The following HROB variants were observed in gnomAD, a reference collection of about 807,000 sequenced individuals.
HROB encodes homologous recombination factor with OB-fold.
In HROB, 44 loss-of-function variants were observed where a neutral mutation model predicts 61.0. That is an observed-to-expected ratio of 0.72 (90% CI 0.57 to 0.93). HROB has a LOEUF of 0.93. Ranked by LOEUF, HROB falls within the 40% of genes least tolerant of loss-of-function variation. The probability of loss-of-function intolerance (pLI) is 0.00; values close to 1 mark genes in which losing one functional copy is unlikely to be tolerated. For synonymous variants in HROB, 301 were observed against 310.4 expected (o/e 0.97, Z 0.32); for missense variants, 716 against 796.2 (o/e 0.90, Z 1.21).
Position 44,148,386 on chromosome 17 carries a change from G to A in HROB, c.583G>A (p.Val195Ile), listed in dbSNP as rs1454285320. The change falls in exon 3 of 10, where the codon GTA (valine) becomes ATA (isoleucine). Residue 195 changes from valine (V) to isoleucine (I), a missense_variant. Coordinates refer to ENST00000585683, the MANE Select transcript of HROB (RefSeq NM_001171251.3). ...ILPAQQREGS[V>I]LAKKARVVDL... The stretch of plus-strand genomic sequence containing the variant: ...GCCTGCCCAGCAGCGGGAGGGTTCA[G>A]TATTGGCTAAAAAAGCCCGGGTAGT... 3.1e-6 allele frequency: 5 copies of A among 1,614,156 alleles called. No homozygotes were observed. Among genetic ancestry groups the A allele is most frequent in the East Asian group, 2.2e-5 (1 of 44,880 alleles).
Position 44,148,401 on chromosome 17 carries a change from G to T in HROB, c.598G>T (p.Ala200Ser), listed in dbSNP as rs778492460. The change falls in exon 3 of 10, where the codon GCC (alanine) becomes TCC (serine). Residue 200 changes from alanine (A) to serine (S), a missense_variant. Transcript: ENST00000585683. Reference sequence around the variant, plus strand: ...GGAGGGTTCAGTATTGGCTAAAAAAGCCCGGGTAGTTGATCTGAGTGGATC... The same window carrying T: ...GGAGGGTTCAGTATTGGCTAAAAAATCCCGGGTAGTTGATCTGAGTGGATC... ...QREGSVLAKK[A>S]RVVDLSGSCQ... 1.2e-6 allele frequency: 2 copies of T among 1,614,116 alleles called. No homozygotes were observed. Among genetic ancestry groups the T allele is most frequent in the East Asian group, 2.2e-5 (1 of 44,874 alleles).
intron 1 of HROB, 64 bp downstream of exon 1, chr17:44,142,209 A>C: frequency 1.4e-6 from 2 of 1,433,442 alleles, no homozygotes; most frequent in Non-Finnish European, 1.8e-6. Context: ...GGAACTGCTC[A>C]TGGGGTTCCA....
chr17:44,158,026 T>C, intron 9 of HROB, 85 bp downstream of exon 9: 1 of 923,744 alleles, frequency 1.1e-6, no homozygotes, highest in Non-Finnish European at 1.6e-6. Context: ...CTATATCTTG[T>C]TCCTCTTTCC....
At position 44,152,618 on chromosome 17, in the gene HROB, CT is replaced by C. The variant is rs2053848394; in HGVS notation, c.1309-18del. On this transcript the variant is annotated intron_variant, in intron 4 of 9. Transcript: ENST00000585683. ...GTAGACCTATTCATACAGGCTCCCC[CT>C]CTGCTCTGTGGTACCAGATTGTTGC... The C allele has an allele frequency of 6.2e-7, 1 of 1,613,064 alleles. No individual in the cohort carries two copies. Among genetic ancestry groups the C allele is most frequent in the East Asian group, 2.2e-5 (1 of 44,870 alleles).
chr17:44,142,411 A>T (rs1250359832), intron 1 of HROB, among the ~76,000 whole-genome samples: 1 of 150,970 alleles, frequency 6.6e-6, no homozygotes, highest in Non-Finnish European at 1.5e-5. Flanking sequence ...CAGTGCGCTC[A>T]GACGTCACTA....
rs770058486 is a variant in HROB at position 44,161,966 on chromosome 17, A to AG, written c.*36dup. On this transcript the variant is annotated 3_prime_UTR_variant, in exon 10 of 10. Transcript: ENST00000585683. ...CAACGCAGGACAACCCACCATGAGC[A>AG]GGCAGCTCTGGGCATGTGTCTGGTC... 2.5e-6 allele frequency: 4 copies of AG among 1,601,566 alleles called. No homozygotes were observed. Among genetic ancestry groups the AG allele is most frequent in the Non-Finnish European group, 3.4e-6 (4 of 1,168,680 alleles).
intron 1 of HROB, among the ~76,000 whole-genome samples, chr17:44,143,920 C>G (rs1161634894): frequency 6.6e-6 from 1 of 152,122 alleles, no homozygotes; most frequent in Non-Finnish European, 1.5e-5. Context: ...TCTTCCCTTC[C>G]AGGATTAGTG....
rs2053852344 is a variant in HROB, at chr17:44,152,733, A to G, written c.1405A>G (p.Ser469Gly). ...GCTAGGCCTGGATGAGAGAGACCCT[A>G]GCTGCTTCCTCTGTACCTACAGCAT... Reference protein sequence around the residue: ...STLGLDERDPSCFLCTYSIVM... With the variant: ...STLGLDERDPGCFLCTYSIVM... The change falls in exon 5 of 10, where the codon AGC becomes GGC. Residue 469 changes from serine to glycine, a missense_variant. Ser to Gly is a moderately conservative substitution (Grantham distance 56). Transcript: ENST00000585683. 6.2e-7 allele frequency: 1 copy of G among 1,614,086 alleles called. No individual in the cohort carries two copies. Among genetic ancestry groups the G allele is most frequent in the Non-Finnish European group, 8.5e-7 (1 of 1,180,042 alleles).
At chr17:44,156,672 T>TA (rs896362711) in intron 8 of HROB, among the ~76,000 whole-genome samples, 6 of 151,246 alleles carry the variant, frequency 4.0e-5, no homozygotes, top group Admixed American at 1.3e-4. Context: ...TTTATTTATT[T>TA]TTTTTTTTTG....
At chr17:44,152,303 T>C (rs983390740) in intron 4 of HROB, among the ~76,000 whole-genome samples, 1 of 152,054 alleles carries the variant, frequency 6.6e-6, no homozygotes, top group Non-Finnish European at 1.5e-5. Flanking sequence ...TATTAAAAAT[T>C]TGTTTTTCAT....
In HROB at chr17:44,147,632, C is replaced by T. The variant is rs370065305; in HGVS notation, c.55-226C>T. The stretch of plus-strand genomic sequence containing the variant: ...TTTTTATTTTTAGTAGAGACGGTTT[C>T]GCCACGTTGGCCAGGCTGGTCTCGA... On this transcript the variant is annotated intron_variant, in intron 2 of 9. Coordinates refer to ENST00000585683, the MANE Select transcript of HROB (RefSeq NM_001171251.3). 132 of 456,590 alleles carry T rather than the reference C, an allele frequency of 2.9e-4. 2 individuals are homozygous for T. Among genetic ancestry groups the T allele is most frequent in the East Asian group, 1.1e-3 (28 of 25,542 alleles). The allele number at this position is 456,590 out of a possible 1,614,324, so 28.3% of individuals were successfully genotyped here.
chr17:44,144,968 G>C (rs1017746987), intron 1 of HROB, among the ~76,000 whole-genome samples: 1 of 151,656 alleles, frequency 6.6e-6, no homozygotes, highest in African/African-American at 2.4e-5. Flanking sequence ...CACCTGCCTC[G>C]GCCTCCCAAA....
intron 8 of HROB, 100 bp downstream of exon 8, chr17:44,155,511 A>AG: frequency 6.6e-7 from 1 of 1,521,268 alleles, no homozygotes; most frequent in South Asian, 1.3e-5. Flanking sequence ...AGAGGTCTGA[A>AG]GGGGGCAGGT....
intron 2 of HROB, among the ~76,000 whole-genome samples, chr17:44,146,016 C>T (rs1259254938): frequency 1.3e-5 from 2 of 152,162 alleles, no homozygotes; most frequent in Admixed American, 1.3e-4. Flanking sequence ...CTGATGCTCT[C>T]CACCTCCCTG....
At chr17:44,159,053 G>A (rs1047054286) in intron 9 of HROB, among the ~76,000 whole-genome samples, 1 of 152,138 alleles carries the variant, frequency 6.6e-6, no homozygotes, top group Non-Finnish European at 1.5e-5. Flanking sequence ...GCCTCCCAAA[G>A]TACTGGGATT....
At position 44,147,948 on chromosome 17, in the gene HROB, C is replaced by T. The variant is rs1336470957; in HGVS notation, c.145C>T (p.Pro49Ser). 2 of 1,614,120 alleles carry T rather than the reference C, an allele frequency of 1.2e-6. No homozygotes were observed. The part of the protein sequence containing the change: ...AGRLRPVSSR[P>S]QETVQAQSSR... ...GCGCCTGAGACCTGTCTCTTCTAGG[C>T]CACAGGAGACTGTGCAGGCACAGTC... The change falls in exon 3 of 10, where the codon CCA (proline) becomes TCA (serine). Residue 49 changes from proline to serine, a missense_variant. Coordinates refer to ENST00000585683, the MANE Select transcript of HROB (RefSeq NM_001171251.3).
Position 44,148,110 on chromosome 17 carries a change from C to T in HROB, c.307C>T (p.Pro103Ser). Residue 103 changes from proline to serine, a missense_variant, in exon 3 of 10, where the codon CCT becomes TCT. Coordinates refer to ENST00000585683, the MANE Select transcript of HROB (RefSeq NM_001171251.3). ...PSCIGAAPLR[P>S]VSTSSSWIGN... ...ATGCATAGGAGCAGCTCCCCTAAGG[C>T]CTGTCTCTACTTCCAGCAGCTGGAT... 6.2e-7 allele frequency: 1 copy of T among 1,614,198 alleles called. No individual in the cohort carries two copies. Among genetic ancestry groups the T allele is most frequent in the Non-Finnish European group, 8.5e-7 (1 of 1,180,032 alleles).
chr17:44,146,724 C>T (rs1192270147), intron 2 of HROB, among the ~76,000 whole-genome samples: 1 of 151,880 alleles, frequency 6.6e-6, no homozygotes, highest in Non-Finnish European at 1.5e-5. Flanking sequence ...TGTGGTTGTC[C>T]TGCCTGAGTA....
chr17:44,147,436 C>CTTT (rs34538292), intron 2 of HROB, among the ~76,000 whole-genome samples: 5 of 114,752 alleles, frequency 4.4e-5, no homozygotes, highest in Non-Finnish European at 5.1e-5. Context: ...TCTTTTCTTT[C>CTTT]TTTTTTTTTT....
Sources: gnomAD v4.1 joint callset for allele counts (sites outside exome capture counted in the v4.1 genomes callset) on GRCh38, gnomAD v4.1.1 for gene constraint, MANE v1.5 for transcripts, NCBI Gene and HGNC (gene_info 2026-07-23, HGNC 2026-07-21) for gene names.